TBL1XR1: variants seen among roughly 807,000 people sequenced by gnomAD.
TBL1XR1 encodes the protein TBL1X/Y related 1.
Under a neutral mutation model 66.9 loss-of-function variants are expected in TBL1XR1, and 5 were observed. The ratio of observed to expected loss-of-function variants is 0.07; its 90% CI spans 0.04 to 0.16. TBL1XR1 has a LOEUF of 0.16. Among genes scored for constraint, TBL1XR1 ranks in the 10% least tolerant of loss-of-function variants. TBL1XR1 has a pLI of 1.00. For synonymous variants in TBL1XR1, 210 were observed against 206.0 expected, an observed-to-expected ratio of 1.02 and a Z score of -0.17; for missense variants, 238 against 623.2, an observed-to-expected ratio of 0.38 and a Z score of 6.58.
At chr3:177,026,506 CG>C (rs1485704561) in intron 14 of TBL1XR1, 32 bp from the exon 15 acceptor site, 1 of 1,457,384 alleles carries the variant, frequency 6.9e-7, no homozygotes, top group African/African-American at 1.4e-5. Flanking sequence ...TCTTAAAAAT[CG>C]TAATACATAT....
At chr3:177,146,414 G>T (rs1384532691) in intron 1 of TBL1XR1, among the ~76,000 whole-genome samples, 1 of 151,362 alleles carries the variant, frequency 6.6e-6, no homozygotes, top group African/African-American at 2.4e-5. Context: ...AGGCTCCCGA[G>T]TAGCTGGGAC....
intron 3 of TBL1XR1, among the ~76,000 whole-genome samples, chr3:177,060,361 T>G (rs946117185): frequency 6.6e-6 from 1 of 152,188 alleles, no homozygotes; most frequent in Non-Finnish European, 1.5e-5. Context: ...AATCACTATC[T>G]AGAAAGTTAC....
intron 7 of TBL1XR1, 150 bp from the exon 8 acceptor site, chr3:177,047,699 A>T: frequency 1.3e-6 from 1 of 762,836 alleles, no homozygotes; most frequent in South Asian, 1.9e-5. Context: ...TGTGAGTGCC[A>T]CTAAAGGCCT....
rs115522351 is a variant in TBL1XR1, at chr3:177,178,400, T to C, written c.-122+18721A>G. Among the ~76,000 whole-genome samples, 429 of 152,264 alleles carry C rather than the reference T, an allele frequency of 2.8e-3. 4 individuals are homozygous for C. Among genetic ancestry groups the C allele is most frequent in the African/African-American group, 9.7e-3 (404 of 41,544 alleles). On this transcript the variant is annotated intron_variant, in intron 1 of 15. Transcript: ENST00000457928. ...AACAATATAAGCATTCCCGGAAAACTTGACTTTACACAGTCACATGCTAAA... is the reference window on the plus strand; with the variant it reads ...AACAATATAAGCATTCCCGGAAAACCTGACTTTACACAGTCACATGCTAAA...
chr3:177,111,912 C>G (rs1390719728), intron 1 of TBL1XR1, among the ~76,000 whole-genome samples: 3 of 151,164 alleles, frequency 2.0e-5, no homozygotes, highest in Non-Finnish European at 4.4e-5. Context: ...AGGCCTACAA[C>G]TTAAGCCTCT....
chr3:177,183,379 A>G (rs1735050385), intron 1 of TBL1XR1, among the ~76,000 whole-genome samples: 1 of 152,210 alleles, frequency 6.6e-6, no homozygotes, highest in South Asian at 2.1e-4. Flanking sequence ...GTTGTGCCAT[A>G]TGGATTTTTA....
At chr3:177,085,793 G>C (rs975394836) in intron 2 of TBL1XR1, among the ~76,000 whole-genome samples, 9 of 152,056 alleles carry the variant, frequency 5.9e-5, no homozygotes, top group African/African-American at 2.2e-4. Flanking sequence ...AAAATCTAGA[G>C]ACCTGTCATC....
At chr3:177,056,178 TCTTGA>T (rs973646556) in intron 3 of TBL1XR1, among the ~76,000 whole-genome samples, 1 of 152,238 alleles carries the variant, frequency 6.6e-6, no homozygotes, top group African/African-American at 2.4e-5. Flanking sequence ...TTTGAAAGTG[TCTTGA>T]CTTATGTAAT....
chr3:177,049,690 T>C (rs145981503), intron 7 of TBL1XR1, among the ~76,000 whole-genome samples: 1 of 152,164 alleles, frequency 6.6e-6, no homozygotes, highest in Non-Finnish European at 1.5e-5. Context: ...TCTCAAATAT[T>C]TAGGTACCAT....
intron 1 of TBL1XR1, among the ~76,000 whole-genome samples, chr3:177,141,332 G>GT (rs1246155941): frequency 6.6e-6 from 1 of 152,102 alleles, no homozygotes; most frequent in African/African-American, 2.4e-5. Context: ...AAAAGTTATG[G>GT]TAAGTCAGAA....
At chr3:177,136,166 G>A (rs1197262144) in intron 1 of TBL1XR1, 1 of 152,084 alleles carries the variant, frequency 6.6e-6, no homozygotes, top group Non-Finnish European at 1.5e-5. Context: ...ATTGCTTCAT[G>A]AAACTAATTT....
chr3:177,031,018 A>G (rs1424417460), intron 14 of TBL1XR1, among the ~76,000 whole-genome samples: 3 of 152,174 alleles, frequency 2.0e-5, no homozygotes, highest in African/African-American at 7.2e-5. Flanking sequence ...GGGCTGAGGC[A>G]GGAGAATCGC....
At chr3:177,151,694 T>TC (rs374268182) in intron 1 of TBL1XR1, among the ~76,000 whole-genome samples, 1 of 152,266 alleles carries the variant, frequency 6.6e-6, no homozygotes, top group African/African-American at 2.4e-5. Flanking sequence ...ATGCTCTGTC[T>TC]CAGCCACTGT....
intron 6 of TBL1XR1, 91 bp downstream of exon 6, chr3:177,050,387 G>C: frequency 2.7e-6 from 4 of 1,469,470 alleles, no homozygotes; most frequent in Non-Finnish European, 3.7e-6. Flanking sequence ...CCACAACTAA[G>C]CAACAACAGA....
At chr3:177,097,835 A>G (rs1036957284) in intron 2 of TBL1XR1, among the ~76,000 whole-genome samples, 3 of 152,248 alleles carry the variant, frequency 2.0e-5, no homozygotes, top group Non-Finnish European at 4.4e-5. Flanking sequence ...TTCATTTGAC[A>G]AAACACAAGA....
At chr3:177,129,131 T>C (rs1350469018) in intron 1 of TBL1XR1, among the ~76,000 whole-genome samples, 2 of 152,060 alleles carry the variant, frequency 1.3e-5, no homozygotes, top group East Asian at 1.9e-4. Flanking sequence ...AAACAAGTAA[T>C]TGAGAAAAAA....
At chr3:177,085,109 CA>C (rs1056463293) in intron 2 of TBL1XR1, among the ~76,000 whole-genome samples, 2 of 152,172 alleles carry the variant, frequency 1.3e-5, no homozygotes, top group Non-Finnish European at 2.9e-5. Flanking sequence ...AACTGAAAAG[CA>C]TAAGAATAAA....
intron 2 of TBL1XR1, 70 bp downstream of exon 2, chr3:177,098,396 T>C (rs1723771700): frequency 1.1e-6 from 1 of 902,050 alleles, no homozygotes; most frequent in South Asian, 5.1e-5. Context: ...TGAGAAACTT[T>C]CAAAATTCTC....
chr3:177,130,297 A>C (rs1205219126), intron 1 of TBL1XR1, among the ~76,000 whole-genome samples: 1 of 152,244 alleles, frequency 6.6e-6, no homozygotes, highest in African/African-American at 2.4e-5. Context: ...TCATTGCTGC[A>C]TTATAAAAAG....
Sources: allele counts gnomAD v4.1 joint callset (sites outside exome capture counted in the v4.1 genomes callset), GRCh38; gene constraint gnomAD v4.1.1; transcripts MANE v1.5; gene names NCBI Gene and HGNC (gene_info 2026-07-23, HGNC 2026-07-21).